ROCK2: variants seen among roughly 807,000 people sequenced by gnomAD.
ROCK2 encodes the protein Rho associated coiled-coil containing protein kinase 2, also known as rho-associated protein kinase 2.
Under a neutral mutation model 195.1 loss-of-function variants are expected in ROCK2, and 61 were observed. The observed-to-expected ratio is 0.31, with a 90% confidence interval of 0.25 to 0.39. ROCK2 has a LOEUF of 0.39. ROCK2 is among the 10% of genes least tolerant of loss of function. The probability of loss-of-function intolerance (pLI) is 1.00; values close to 1 mark genes in which losing one functional copy is unlikely to be tolerated. For missense variants in ROCK2, 1,109 were observed against 1,637.4 expected, an observed-to-expected ratio of 0.68 and a Z score of 5.57; for synonymous variants, 504 against 545.5, an observed-to-expected ratio of 0.92 and a Z score of 1.06.
chr2:11,189,639 T>G (rs1663338243), intron 32 of ROCK2, among the ~76,000 whole-genome samples: 1 of 152,184 alleles, frequency 6.6e-6, no homozygotes, highest in African/African-American at 2.4e-5. Flanking sequence ...GTTATTCTCA[T>G]CTATATACCA....
chr2:11,293,074 CTCTTT>C (rs1015011629), intron 1 of ROCK2, among the ~76,000 whole-genome samples: 3 of 152,198 alleles, frequency 2.0e-5, no homozygotes, highest in African/African-American at 7.2e-5. Context: ...TCAGTTAAAC[CTCTTT>C]TCTTTATAAA....
chr2:11,262,466 T>C (rs1002753926), intron 3 of ROCK2, among the ~76,000 whole-genome samples: 1 of 152,192 alleles, frequency 6.6e-6, no homozygotes, highest in African/African-American at 2.4e-5. Flanking sequence ...AAATCTCATC[T>C]TGAATTCCCA....
chr2:11,195,847 T>A (rs967346411), intron 27 of ROCK2, among the ~76,000 whole-genome samples: 5 of 152,182 alleles, frequency 3.3e-5, no homozygotes, highest in African/African-American at 1.2e-4. Context: ...ATTTGGTTAA[T>A]AAGCAGCAAA....
At chr2:11,335,364 T>C (rs762311640) in intron 1 of ROCK2, among the ~76,000 whole-genome samples, 2 of 152,108 alleles carry the variant, frequency 1.3e-5, no homozygotes, top group African/African-American at 2.4e-5. Context: ...GAGTATAGTT[T>C]TAGTTGAGCC....
rs985815506 is a variant in ROCK2 at position 11,257,289 on chromosome 2, TGG to T, written c.325-7493_325-7492del. ...CACTGTGGAGTCCCTGCTGGCCCTG[TGG>T]GGCTTAGAGCTGCGGGCGACGGCAG... On this transcript the variant is annotated intron_variant, in intron 3 of 32. Transcript: ENST00000315872. Among the ~76,000 whole-genome samples, 19 of 151,054 alleles carry T rather than the reference TGG, an allele frequency of 1.3e-4. 1 individual carries two copies. The highest frequency in any genetic ancestry group is 4.7e-4 in the African/African-American group (19 of 40,540).
intron 1 of ROCK2, among the ~76,000 whole-genome samples, chr2:11,320,195 C>T (rs1271774686): frequency 6.6e-6 from 1 of 152,186 alleles, no homozygotes; most frequent in Non-Finnish European, 1.5e-5. Flanking sequence ...GCTAATCACA[C>T]ACAACAACAA....
At chr2:11,221,999 A>C in intron 8 of ROCK2, 84 bp downstream of exon 8, 1 of 799,816 alleles carries the variant, frequency 1.3e-6, no homozygotes, top group South Asian at 1.7e-5. Flanking sequence ...AGTGTTATCA[A>C]ATATGCTTGT....
intron 4 of ROCK2, among the ~76,000 whole-genome samples, chr2:11,236,826 G>A (rs1250898443): frequency 1.3e-5 from 2 of 152,178 alleles, no homozygotes; most frequent in African/African-American, 2.4e-5. Context: ...TCAAGGAAAT[G>A]TTTAATAGGA....
At chr2:11,215,206 C>A (rs1485301046) in intron 15 of ROCK2, 115 bp downstream of exon 15, 1 of 1,460,874 alleles carries the variant, frequency 6.8e-7, no homozygotes, top group African/African-American at 1.4e-5. Context: ...AAAATATTTT[C>A]CAAATGATTT....
intron 1 of ROCK2, among the ~76,000 whole-genome samples, chr2:11,334,729 C>T (rs1338858485): frequency 1.3e-5 from 2 of 150,592 alleles, no homozygotes; most frequent in East Asian, 1.9e-4. Flanking sequence ...TGCTCTGGCG[C>T]GTTTCTATCT....
Position 11,200,941 on chromosome 2 carries a change from C to T in ROCK2, c.2910+16G>A. The T allele has an allele frequency of 1.3e-6, 2 of 1,573,596 alleles. No homozygotes were observed. The highest frequency in any genetic ancestry group is 1.7e-6 in the Non-Finnish European group (2 of 1,163,044). Reference sequence around the variant, plus strand: ...ATTTAACTATAATCCAAAAAAGCACCAAGAATTTGACTTACAGAAGCAATT... The same window carrying T: ...ATTTAACTATAATCCAAAAAAGCACTAAGAATTTGACTTACAGAAGCAATT... On this transcript the variant is annotated intron_variant, in intron 23 of 32. Transcript: ENST00000315872.
At chr2:11,193,110 A>C (rs750404705) in intron 30 of ROCK2, among the ~76,000 whole-genome samples, 2 of 152,220 alleles carry the variant, frequency 1.3e-5, no homozygotes, top group Non-Finnish European at 2.9e-5. Context: ...GTTTTGTAAT[A>C]CTTAACAGAA....
rs142077844 is a variant in ROCK2, at chr2:11,263,004, T to G, written c.325-13206A>C. On this transcript the variant is annotated intron_variant, in intron 3 of 32. Transcript: ENST00000315872. ...AAAAAATGTTCTCACATTTTCTGTT[T>G]GTGGCAGCCAAGATCAAATGGGGGA... 3.0e-3 allele frequency among the ~76,000 whole-genome samples: 454 copies of G among 152,318 alleles called. 1 individual carries two copies. Among genetic ancestry groups the G allele is most frequent in the Middle Eastern group, 6.8e-3 (2 of 294 alleles).
chr2:11,321,189 G>C (rs1163045042), intron 1 of ROCK2, among the ~76,000 whole-genome samples: 5 of 151,988 alleles, frequency 3.3e-5, no homozygotes, highest in African/African-American at 1.2e-4. Context: ...TTATTTTCTT[G>C]TTTTGAAACA....
At chr2:11,193,100 G>A in intron 30 of ROCK2, among the ~76,000 whole-genome samples, 1 of 152,154 alleles carries the variant, frequency 6.6e-6, no homozygotes, top group East Asian at 1.9e-4. Flanking sequence ...ACTAATTGGT[G>A]TTTTGTAATA....
intron 1 of ROCK2, among the ~76,000 whole-genome samples, chr2:11,303,637 C>G (rs1266304743): frequency 6.6e-6 from 1 of 152,120 alleles, no homozygotes; most frequent in Non-Finnish European, 1.5e-5. Context: ...TTGACCCTAC[C>G]TCCCATACAG....
At position 11,229,837 on chromosome 2, in the gene ROCK2, A is replaced by G. The variant is rs754852772; in HGVS notation, c.724-2439T>C. Among the ~76,000 whole-genome samples, 136 of 152,288 alleles carry G rather than the reference A, an allele frequency of 8.9e-4. 1 individual carries two copies. Among genetic ancestry groups the G allele is most frequent in the Non-Finnish European group, 7.9e-4 (54 of 67,996 alleles). On this transcript the variant is annotated intron_variant, in intron 5 of 32. Coordinates refer to ENST00000315872, the MANE Select transcript of ROCK2 (RefSeq NM_004850.5). ...CAGGGATAAGGACTGACAATTCTGA[A>G]ATAATTTTATGTGTATACTAGGGTT...
In ROCK2 at chr2:11,286,532, T is replaced by C; in HGVS notation, c.324+7A>G. ...TAGAGAACAATAAGAACAAAACACTTTCTTACCAACTGCACTTCACCAAAA... is the reference window on the plus strand; with the variant it reads ...TAGAGAACAATAAGAACAAAACACTCTCTTACCAACTGCACTTCACCAAAA... On this transcript the variant is annotated splice_region_variant and intron_variant, in intron 3 of 32. Transcript: ENST00000315872. 1 of 1,557,268 alleles carries C rather than the reference T, an allele frequency of 6.4e-7. No individual in the cohort carries two copies. The highest frequency in any genetic ancestry group is 8.9e-7 in the Non-Finnish European group (1 of 1,129,014).
chr2:11,236,051 T>C (rs1242876946), intron 4 of ROCK2, 89 bp from the exon 5 acceptor site: 12 of 1,194,378 alleles, frequency 1.0e-5, no homozygotes, highest in African/African-American at 4.7e-5. Context: ...ATTATTACTA[T>C]TGAAAAAGGC....
Sources: gnomAD v4.1 joint callset for allele counts (sites outside exome capture counted in the v4.1 genomes callset) on GRCh38, gnomAD v4.1.1 for gene constraint, MANE v1.5 for transcripts, NCBI Gene and HGNC (gene_info 2026-07-23, HGNC 2026-07-21) for gene names.